The following HECTD4 variants were observed in gnomAD, a reference collection of about 807,000 sequenced individuals.
HECTD4 encodes the protein probable E3 ubiquitin-protein ligase HECTD4.
Under a neutral mutation model 471.5 loss-of-function variants are expected in HECTD4, and 114 were observed. The ratio of observed to expected loss-of-function variants is 0.24; its 90% CI spans 0.21 to 0.28. The LOEUF (loss-of-function observed/expected upper bound fraction) is 0.28, where lower values mean the gene tolerates loss of function less well. Ranked by LOEUF, HECTD4 falls within the 10% of genes least tolerant of loss-of-function variation. The pLI, the probability that HECTD4 is intolerant of heterozygous loss-of-function variation, is 1.00. For synonymous variants in HECTD4, 2,012 were observed against 2,256.0 expected, an observed-to-expected ratio of 0.89 and a Z score of 3.07; for missense variants, 3,866 against 5,651.5, an observed-to-expected ratio of 0.68 and a Z score of 10.13.
chr12:112,230,814 G>C lies in HECTD4; in HGVS notation c.6209C>G (p.Pro2070Arg). Residue 2070 changes from proline (P) to arginine (R), a missense_variant, in exon 40 of 76, where the codon CCT (proline) becomes CGT (arginine). Physicochemically the swap from Pro to Arg is moderately radical, Grantham distance 103. Coordinates refer to ENST00000682272, the MANE Select transcript of HECTD4 (RefSeq NM_001388303.1). The stretch of plus-strand genomic sequence containing the variant: ...ATGCCCACTGATGAAGGGACGCACA[G>C]GATCAGTCCTGCAAGTGTCAACAGG... Reference protein sequence around the residue: ...ERNSELARTDPVRPFISGHVA... With the variant: ...ERNSELARTDRVRPFISGHVA... 1 of 1,609,754 alleles carries C rather than the reference G, an allele frequency of 6.2e-7. No individual in the cohort carries two copies. Among genetic ancestry groups the C allele is most frequent in the Non-Finnish European group, 8.5e-7 (1 of 1,178,052 alleles).
At chr12:112,260,175 AT>A (rs2034111790) in intron 18 of HECTD4, among the ~76,000 whole-genome samples, 1 of 152,080 alleles carries the variant, frequency 6.6e-6, no homozygotes, top group South Asian at 2.1e-4. Flanking sequence ...TGTCTCTATG[AT>A]TTTGACTCAT....
chr12:112,232,969 T>A, intron 38 of HECTD4, 35 bp downstream of exon 38: 4 of 1,521,446 alleles, frequency 2.6e-6, no homozygotes, highest in Non-Finnish European at 3.6e-6. Context: ...TACTCTACAA[T>A]TTCGGGTTTC....
chr12:112,184,490 G>C lies in HECTD4; in HGVS notation c.10476C>G (p.Ala3492=), dbSNP rs761518392. 29 of 1,608,520 alleles carry C rather than the reference G, an allele frequency of 1.8e-5. No individual in the cohort carries two copies. Among genetic ancestry groups the C allele is most frequent in the Non-Finnish European group, 2.4e-5 (28 of 1,178,024 alleles). The part of the protein sequence containing the change: ...SISASASTSQ[A]SICSSQGISQ... ...AGATGCCCTGCGAGCTGCAGATGGA[G>C]GCCTGGCTGGTGGAGGCGGAGGCGC... is the stretch of plus-strand genomic sequence containing the variant. The change falls in exon 61 of 76, where the codon GCC becomes GCG. Residue 3492 remains alanine, a synonymous_variant. Coordinates refer to ENST00000682272, the MANE Select transcript of HECTD4 (RefSeq NM_001388303.1). This position sits in a 1 kb window ranked among gnomAD's most constrained non-coding sequence, Gnocchi z 9.1.
chr12:112,344,475 AAAAC>A (rs2036110161), intron 1 of HECTD4, among the ~76,000 whole-genome samples: 1 of 152,246 alleles, frequency 6.6e-6, no homozygotes, highest in Admixed American at 6.5e-5. Flanking sequence ...TACAAACTCC[AAAAC>A]TAGCTTAACT....
Position 112,309,112 on chromosome 12 carries a change from G to C in HECTD4, c.1026-221C>G, listed in dbSNP as rs12580736. Among the ~76,000 whole-genome samples, 34 of 152,318 alleles carry C rather than the reference G, an allele frequency of 2.2e-4. No individual in the cohort carries two copies. In the East Asian group the frequency reaches 6.5e-3, roughly 29 times the overall value. On this transcript the variant is annotated intron_variant, in intron 5 of 75. Coordinates refer to ENST00000682272, the MANE Select transcript of HECTD4 (RefSeq NM_001388303.1). ...ACTTAGAGGGGAGAAAAATTTGGGG[G>C]AAAAGATCTAAATGTATACAAGGCT...
chr12:112,239,231 T>G lies in HECTD4; in HGVS notation c.5111A>C (p.Glu1704Ala). The G allele has an allele frequency of 6.2e-7, 1 of 1,610,164 alleles. No individual in the cohort carries two copies. Among genetic ancestry groups the G allele is most frequent in the Non-Finnish European group, 8.5e-7 (1 of 1,178,248 alleles). The stretch of plus-strand genomic sequence containing the variant: ...GCCACTGCGTACCAGGCACTTCTCT[T>G]CGCTCCTGACAAAGGGTCATGGATT... Reference protein sequence around the residue: ...LLCTIPYTRSEEKCLVRSGLV... With the variant: ...LLCTIPYTRSAEKCLVRSGLV... Residue 1704 changes from glutamate to alanine, a missense_variant, in exon 34 of 76, where the codon GAA becomes GCA. Glu to Ala is a moderately radical substitution (Grantham distance 107). Coordinates refer to ENST00000682272, the MANE Select transcript of HECTD4 (RefSeq NM_001388303.1). The surrounding 1 kb of genome is among the most constrained non-coding windows in gnomAD (Gnocchi z 4.9).
chr12:112,246,137 A>G (rs1347824045), intron 29 of HECTD4, among the ~76,000 whole-genome samples: 1 of 149,616 alleles, frequency 6.7e-6, no homozygotes, highest in Non-Finnish European at 1.5e-5. Flanking sequence ...GTCTCAAAAA[A>G]ATAAAAAATA....
Position 112,184,538 on chromosome 12 carries a change from G to A in HECTD4, c.10428C>T (p.Ser3476=), listed in dbSNP as rs2137027826. The stretch of plus-strand genomic sequence containing the variant: ...CGCTGATGCTCATGGCGGGGGTCAG[G>A]CTGCTGGACGTGCTGACCTCCATGC... ...TDSMEVSTSS[S]LTPAMSISAS... is the part of the protein sequence containing the mutation. The change falls in exon 61 of 76, where the codon AGC becomes AGT. Residue 3476 remains serine, a synonymous_variant. Transcript: ENST00000682272. This position sits in a 1 kb window ranked among gnomAD's most constrained non-coding sequence, Gnocchi z 9.1. 4.3e-6 allele frequency: 7 copies of A among 1,611,204 alleles called. No individual in the cohort carries two copies. Among genetic ancestry groups the A allele is most frequent in the Non-Finnish European group, 5.9e-6 (7 of 1,179,350 alleles).
chr12:112,324,972 T>C (rs575325674), intron 1 of HECTD4, among the ~76,000 whole-genome samples: 2 of 152,092 alleles, frequency 1.3e-5, no homozygotes, highest in African/African-American at 4.8e-5. Context: ...AAGCAACTAC[T>C]AAAAAAATTC....
chr12:112,311,216 C>T (rs1054484205), intron 4 of HECTD4, among the ~76,000 whole-genome samples: 1 of 151,468 alleles, frequency 6.6e-6, no homozygotes, highest in African/African-American at 2.4e-5. Flanking sequence ...GAGCCAAGAT[C>T]GCGCCACTGC....
chr12:112,280,983 G>T (rs1490194071), intron 8 of HECTD4, among the ~76,000 whole-genome samples: 1 of 151,866 alleles, frequency 6.6e-6, no homozygotes, highest in Non-Finnish European at 1.5e-5. Flanking sequence ...TAGAGATGGG[G>T]TTTCACCATG....
chr12:112,319,390 C>G lies in HECTD4; in HGVS notation c.530G>C (p.Arg177Pro). Residue 177 changes from arginine (R) to proline (P), a missense_variant, in exon 2 of 76, where the codon CGT (arginine) becomes CCT (proline). By Grantham distance (103) the Arg-to-Pro change is moderately radical. Transcript: ENST00000682272. This position sits in a 1 kb window ranked among gnomAD's most constrained non-coding sequence, Gnocchi z 5.3. ...GGTCAAGCTCAAAGGCTGGCAGTCA[C>G]GAAGGCAGTTCAATAGCACCTCAGC... Reference protein sequence around the residue: ...ITAEVLLNCLRDCQPLSLTKE... With the variant: ...ITAEVLLNCLPDCQPLSLTKE... 1 of 1,536,106 alleles carries G rather than the reference C, an allele frequency of 6.5e-7. No homozygotes were observed.
At chr12:112,270,805 C>G (rs1159810331) in intron 11 of HECTD4, among the ~76,000 whole-genome samples, 1 of 152,194 alleles carries the variant, frequency 6.6e-6, no homozygotes, top group Non-Finnish European at 1.5e-5. Flanking sequence ...TGCCCTAGGT[C>G]ACACAGCTAA....
chr12:112,170,973 G>T (rs780450021), intron 68 of HECTD4, 144 bp downstream of exon 68: 4 of 627,928 alleles, frequency 6.4e-6, no homozygotes, highest in Non-Finnish European at 1.1e-5. Context: ...CTCCAGAGGA[G>T]CCCTGCCTGC....
At chr12:112,282,719 T>TC (rs2034670890) in intron 8 of HECTD4, among the ~76,000 whole-genome samples, 1 of 152,236 alleles carries the variant, frequency 6.6e-6, no homozygotes, top group African/African-American at 2.4e-5. Context: ...TGATAAATTC[T>TC]AAAAAACAAA....
rs576286970 is a variant in HECTD4 at position 112,188,254 on chromosome 12, G to A, written c.9472+2532C>T. ...CAGTGAGCTGAGATCGCACCACTGCGCTCCAGCCTGGGTGACAGAGTGAGA... is the reference window on the plus strand; with the variant it reads ...CAGTGAGCTGAGATCGCACCACTGCACTCCAGCCTGGGTGACAGAGTGAGA... On this transcript the variant is annotated intron_variant, in intron 60 of 75. Coordinates refer to ENST00000682272, the MANE Select transcript of HECTD4 (RefSeq NM_001388303.1). This position sits in a 1 kb window ranked among gnomAD's most constrained non-coding sequence, Gnocchi z 4.2. Among the ~76,000 whole-genome samples the A allele has an allele frequency of 3.3e-5, 5 of 152,240 alleles. No individual in the cohort carries two copies. In the East Asian group the frequency reaches 5.8e-4, roughly 18 times the overall value.
At chr12:112,191,220 G>C (rs1293943442) in intron 59 of HECTD4, among the ~76,000 whole-genome samples, 1 of 152,194 alleles carries the variant, frequency 6.6e-6, no homozygotes, top group African/African-American at 2.4e-5. Context: ...ACGGAGATGA[G>C]AACAGAGGAC....
chr12:112,238,116 A>G (rs1378825507), intron 34 of HECTD4, among the ~76,000 whole-genome samples: 1 of 152,154 alleles, frequency 6.6e-6, no homozygotes, highest in East Asian at 1.9e-4. Flanking sequence ...CTGGCATATA[A>G]TAGACTCTCA....
chr12:112,163,216 C>T lies in HECTD4; in HGVS notation c.12946G>A (p.Glu4316Lys), dbSNP rs374029714. 3 of 1,613,954 alleles carry T rather than the reference C, an allele frequency of 1.9e-6. No homozygotes were observed. The highest frequency in any genetic ancestry group is 2.5e-6 in the Non-Finnish European group (3 of 1,179,858). ...ATCTCCAGGGCCCCCCAGAAGAACT[C>T]GATGTGCTGGTCCGTCTCCATCAGC... ...VGLMETDQHIEFFWGALEMFT... is the reference protein window; with the variant it reads ...VGLMETDQHIKFFWGALEMFT... Residue 4316 changes from glutamate (E) to lysine (K), a missense_variant, in exon 75 of 76, where the codon GAG becomes AAG. This residue lies in a region of HECTD4 where 715 missense variants were observed against 1,087.6 expected (regional missense o/e 0.66). Coordinates refer to ENST00000682272, the MANE Select transcript of HECTD4 (RefSeq NM_001388303.1). The surrounding 1 kb of genome is among the most constrained non-coding windows in gnomAD (Gnocchi z 8.2).
Sources: gnomAD v4.1 joint callset for allele counts (sites outside exome capture counted in the v4.1 genomes callset) on GRCh38, gnomAD v4.1.1 for gene constraint, gnomAD v4.1.1 regional missense constraint, Gnocchi (gnomAD v3.1) non-coding constraint, MANE v1.5 for transcripts, NCBI Gene and HGNC (gene_info 2026-07-23, HGNC 2026-07-21) for gene names.